The following DIP2B variants were observed in gnomAD, a reference collection of about 807,000 sequenced individuals.
DIP2B encodes DIP2 acetate--CoA ligase B (putative), also known as disco-interacting protein 2 homolog B.
Under a neutral mutation model 198.0 loss-of-function variants are expected in DIP2B, and 76 were observed. The ratio of observed to expected loss-of-function variants is 0.38; its 90% CI spans 0.32 to 0.46. The LOEUF is 0.46. Ranked by LOEUF, DIP2B falls within the 20% of genes least tolerant of loss-of-function variation. DIP2B has a pLI of 0.99. For synonymous variants in DIP2B, 701 were observed against 739.1 expected (o/e 0.95, Z 0.84); for missense variants, 1,559 against 1,978.4 (o/e 0.79, Z 4.02).
chr12:50,619,988 A>G lies in DIP2B; in HGVS notation c.101-5988A>G, dbSNP rs555350729. Among the ~76,000 whole-genome samples the G allele has an allele frequency of 8.5e-5, 13 of 152,254 alleles. No individual in the cohort carries two copies. In the South Asian group the frequency reaches 2.5e-3, roughly 29 times the overall value. Reference sequence around the variant, plus strand: ...AGGCAGGAGGGTCACTTGAGCCCACAAGTGAGCCATGATCATGCCACTGCA... The same window carrying G: ...AGGCAGGAGGGTCACTTGAGCCCACGAGTGAGCCATGATCATGCCACTGCA... On this transcript the variant is annotated intron_variant, in intron 1 of 37. Coordinates refer to ENST00000301180, the MANE Select transcript of DIP2B (RefSeq NM_173602.3).
At chr12:50,716,946 T>A (rs1939730327) in intron 23 of DIP2B, among the ~76,000 whole-genome samples, 1 of 137,234 alleles carries the variant, frequency 7.3e-6, no homozygotes. Flanking sequence ...ATCCTAGATT[T>A]ACGAATTGTT....
intron 1 of DIP2B, among the ~76,000 whole-genome samples, chr12:50,568,134 T>C (rs1958581991): frequency 6.6e-6 from 1 of 152,012 alleles, no homozygotes; most frequent in Non-Finnish European, 1.5e-5. Context: ...GCTGTTTGAC[T>C]GACCCTGCCT....
chr12:50,676,353 A>G (rs143754799), intron 7 of DIP2B, among the ~76,000 whole-genome samples: 3 of 152,366 alleles, frequency 2.0e-5, no homozygotes, highest in East Asian at 3.8e-4. Context: ...AGAATTAGGT[A>G]CATTGGTAGA....
chr12:50,615,418 T>G (rs1331566109), intron 1 of DIP2B, among the ~76,000 whole-genome samples: 1 of 152,202 alleles, frequency 6.6e-6, no homozygotes, highest in African/African-American at 2.4e-5. Context: ...TACTCCTCTT[T>G]GAGACATCAG....
intron 2 of DIP2B, among the ~76,000 whole-genome samples, chr12:50,634,836 AAAG>A (rs1445075183): frequency 6.6e-6 from 1 of 152,206 alleles, no homozygotes; most frequent in Non-Finnish European, 1.5e-5. Flanking sequence ...GCACAACTAA[AAAG>A]AAAGAGCATT....
At chr12:50,505,986 C>A (rs1957965358) in intron 1 of DIP2B, among the ~76,000 whole-genome samples, 1 of 150,858 alleles carries the variant, frequency 6.6e-6, no homozygotes, top group Admixed American at 6.6e-5. Flanking sequence ...GGCATTCTTT[C>A]TTTTGACAAT....
chr12:50,522,206 G>C (rs1327798458), intron 1 of DIP2B, among the ~76,000 whole-genome samples: 31 of 151,670 alleles, frequency 2.0e-4, no homozygotes, highest in Non-Finnish European at 1.5e-5. Flanking sequence ...TTACCATATT[G>C]ATCAGGCTAG....
intron 1 of DIP2B, among the ~76,000 whole-genome samples, chr12:50,569,016 A>G (rs934672414): frequency 2.6e-5 from 4 of 151,686 alleles, no homozygotes; most frequent in Non-Finnish European, 4.4e-5. Flanking sequence ...ACTAATTTGA[A>G]ATAGTTCCAG....
chr12:50,739,029 C>T (rs1202262589), intron 35 of DIP2B, among the ~76,000 whole-genome samples: 2 of 152,180 alleles, frequency 1.3e-5, no homozygotes, highest in East Asian at 1.9e-4. Context: ...CTGATGTGTT[C>T]GTGGGACTCT....
intron 37 of DIP2B, among the ~76,000 whole-genome samples, chr12:50,741,897 C>T (rs1481298578): frequency 6.6e-6 from 1 of 152,166 alleles, no homozygotes; most frequent in Non-Finnish European, 1.5e-5. Flanking sequence ...AAAGGCTCTC[C>T]TCATCTGTAA....
At chr12:50,512,443 GA>G (rs1469726850) in intron 1 of DIP2B, among the ~76,000 whole-genome samples, 1 of 152,036 alleles carries the variant, frequency 6.6e-6, no homozygotes, top group Non-Finnish European at 1.5e-5. Context: ...CTTTGTATCT[GA>G]AATTTATTTT....
At chr12:50,671,763 C>G (rs1244238505) in intron 5 of DIP2B, among the ~76,000 whole-genome samples, 1 of 152,108 alleles carries the variant, frequency 6.6e-6, no homozygotes, top group African/African-American at 2.4e-5. Context: ...GGATTGTTAC[C>G]TATATTCTGT....
At chr12:50,629,341 A>G (rs1012935275) in intron 2 of DIP2B, among the ~76,000 whole-genome samples, 1 of 152,166 alleles carries the variant, frequency 6.6e-6, no homozygotes, top group Non-Finnish European at 1.5e-5. Flanking sequence ...AGCCCTCAGA[A>G]TCACTGGAGG....
At position 50,675,435 on chromosome 12, in the gene DIP2B, A is replaced by G. The variant is rs1290186251; in HGVS notation, c.903A>G (p.Glu301=). ...AGGAATTTTTTGTGGATGACTCTGAAGAAATTGTGGAAGGTAGTAGTAAAA... is the reference window on the plus strand; with the variant it reads ...AGGAATTTTTTGTGGATGACTCTGAGGAAATTGTGGAAGGTAGTAGTAAAA... ...PLKEFFVDDS[E]EIVEVPQPDP... The change falls in exon 7 of 38, where the codon GAA becomes GAG. Residue 301 remains glutamate (E), a synonymous_variant. Transcript: ENST00000301180. 1.2e-6 allele frequency: 2 copies of G among 1,613,802 alleles called. No individual in the cohort carries two copies. The highest frequency in any genetic ancestry group is 1.7e-6 in the Non-Finnish European group (2 of 1,179,806).
intron 2 of DIP2B, chr12:50,633,402 C>T (rs1938099553): frequency 6.6e-6 from 1 of 152,058 alleles, no homozygotes; most frequent in Non-Finnish European, 1.5e-5. Flanking sequence ...AGTAACATGT[C>T]ATTGTGTAAG....
At chr12:50,718,880 A>G in intron 24 of DIP2B, 62 bp downstream of exon 24, 1 of 1,611,164 alleles carries the variant, frequency 6.2e-7, no homozygotes, top group Non-Finnish European at 8.5e-7. Context: ...TACTGCAGGT[A>G]GCAGCTGGGG....
chr12:50,510,008 G>A (rs993209734), intron 1 of DIP2B, among the ~76,000 whole-genome samples: 4 of 152,134 alleles, frequency 2.6e-5, no homozygotes, highest in Non-Finnish European at 5.9e-5. Flanking sequence ...CAGAATTACT[G>A]TCAGAGCCTG....
At chr12:50,593,702 T>C (rs570678014) in intron 1 of DIP2B, among the ~76,000 whole-genome samples, 18 of 56,492 alleles carry the variant, frequency 3.2e-4, no homozygotes, top group South Asian at 2.1e-3. Flanking sequence ...TCTCCTCTCC[T>C]CTCCCCTCCT....
intron 1 of DIP2B, among the ~76,000 whole-genome samples, chr12:50,575,023 C>A (rs927673026): frequency 3.3e-5 from 5 of 152,172 alleles, no homozygotes; most frequent in African/African-American, 1.2e-4. Context: ...ACATCTCTTT[C>A]ATTTTTAGTT....
Sources: gnomAD v4.1 joint callset for allele counts (sites outside exome capture counted in the v4.1 genomes callset) on GRCh38, gnomAD v4.1.1 for gene constraint, MANE v1.5 for transcripts, NCBI Gene and HGNC (gene_info 2026-07-23, HGNC 2026-07-21) for gene names.